CUX2: variants seen among roughly 807,000 people sequenced by gnomAD.
CUX2 encodes the protein homeobox protein cut-like 2.
A neutral mutation model predicts 144.8 loss-of-function variants in CUX2; 40 were observed. The ratio of observed to expected loss-of-function variants is 0.28; its 90% CI spans 0.21 to 0.36. The LOEUF (loss-of-function observed/expected upper bound fraction) is 0.36, where lower values mean the gene tolerates loss of function less well. Among genes scored for constraint, CUX2 ranks in the 10% least tolerant of loss-of-function variants. The pLI, the probability that CUX2 is intolerant of heterozygous loss-of-function variation, is 1.00. For missense variants in CUX2, 1,615 were observed against 1,994.0 expected, an observed-to-expected ratio of 0.81 and a Z score of 3.62; for synonymous variants, 827 against 875.6, an observed-to-expected ratio of 0.94 and a Z score of 0.98.
At chr12:111,080,102 A>C in intron 1 of CUX2, among the ~76,000 whole-genome samples, 1 of 152,088 alleles carries the variant, frequency 6.6e-6, no homozygotes, top group East Asian at 1.9e-4. Context: ...TCTTGAACGG[A>C]CTGAGCACTT....
At chr12:111,303,402 G>A (rs1221898566) in intron 9 of CUX2, among the ~76,000 whole-genome samples, 2 of 151,814 alleles carry the variant, frequency 1.3e-5, no homozygotes, top group Admixed American at 6.6e-5. Context: ...TTGGGAGGCT[G>A]AAGCGGGTGG....
In CUX2 at chr12:111,100,181, C is replaced by CTGTGTGTGTGTGTGTGTG. The variant is rs71881537; in HGVS notation, c.63+65945_63+65962dup. ...GGGATGTGAGAGCAGGAGCCTGTGA[C>CTGTGTGTGTGTGTGTGTG]TGTGTGTGTGTGTGTGTGTGTATGT... On this transcript the variant is annotated intron_variant, in intron 1 of 21. Transcript: ENST00000261726. The CTGTGTGTGTGTGTGTGTG allele has an allele frequency of 1.5e-5, 6 of 388,204 alleles. No individual in the cohort carries two copies. In the Admixed American group the frequency reaches 1.8e-4, roughly 12 times the overall value. 24.0% of individuals were successfully genotyped at this position (388,204 alleles called of 1,614,324 possible).
At chr12:111,199,215 G>A (rs1253937985) in intron 1 of CUX2, among the ~76,000 whole-genome samples, 1 of 152,128 alleles carries the variant, frequency 6.6e-6, no homozygotes, top group African/African-American at 2.4e-5. Context: ...TATTCTAGTG[G>A]TACAAGTGAG....
intron 1 of CUX2, among the ~76,000 whole-genome samples, chr12:111,193,820 C>T (rs755306902): frequency 3.8e-4 from 58 of 152,282 alleles, no homozygotes; most frequent in Non-Finnish European, 6.9e-4. Flanking sequence ...AAAGGGCATG[C>T]GCAGACAGGT....
intron 3 of CUX2, among the ~76,000 whole-genome samples, chr12:111,262,991 T>C (rs776636292): frequency 1.3e-5 from 2 of 152,068 alleles, no homozygotes; most frequent in South Asian, 2.1e-4. Context: ...CAACAGGAGG[T>C]AGGTCCTGTT....
intron 18 of CUX2, among the ~76,000 whole-genome samples, chr12:111,331,524 T>C (rs541650212): frequency 6.6e-6 from 1 of 152,084 alleles, no homozygotes; most frequent in East Asian, 1.9e-4. Flanking sequence ...GAGGCTCAGC[T>C]CACACTGGGA....
chr12:111,282,927 C>T (rs1296293473), intron 4 of CUX2, among the ~76,000 whole-genome samples: 1 of 151,842 alleles, frequency 6.6e-6, no homozygotes, highest in Non-Finnish European at 1.5e-5. Context: ...TAGAGGATAC[C>T]ATAGGTCGGG....
intron 1 of CUX2, among the ~76,000 whole-genome samples, chr12:111,079,975 C>T (rs551355310): frequency 6.6e-6 from 1 of 152,362 alleles, no homozygotes; most frequent in South Asian, 2.1e-4. Flanking sequence ...GTCCTGGGTT[C>T]TAGTCCTGTC....
intron 1 of CUX2, among the ~76,000 whole-genome samples, chr12:111,040,438 C>T (rs1478174565): frequency 2.0e-5 from 3 of 152,050 alleles, no homozygotes; most frequent in Non-Finnish European, 4.4e-5. Flanking sequence ...TCTCTTTGTC[C>T]CACAAACACA....
chr12:111,190,212 C>T lies in CUX2; in HGVS notation c.64-23988C>T, dbSNP rs986478158. On this transcript the variant is annotated intron_variant, in intron 1 of 21. Transcript: ENST00000261726. The surrounding 1 kb of genome is among the most constrained non-coding windows in gnomAD (Gnocchi z 4.0). The stretch of plus-strand genomic sequence containing the variant: ...GAATTTTTAGGAGTGCTTGATTCTG[C>T]ACACATCAGATAAACTGTACATTCC... Among the ~76,000 whole-genome samples, 15 of 152,278 alleles carry T rather than the reference C, an allele frequency of 9.9e-5. No homozygotes were observed. Among genetic ancestry groups the T allele is most frequent in the African/African-American group, 2.9e-4 (12 of 41,554 alleles).
At position 111,296,535 on chromosome 12, in the gene CUX2, T is replaced by G. The variant is rs1886003649; in HGVS notation, c.700T>G (p.Ser234Ala). 2 of 1,610,758 alleles carry G rather than the reference T, an allele frequency of 1.2e-6. No homozygotes were observed. The highest frequency in any genetic ancestry group is 1.3e-5 in the African/African-American group (1 of 74,818). ...GCGGAAGTACGACGAGGAGGCAGCATCCAAGTAAGTGAGCCCTGCTGAGGT... is the reference window on the plus strand; with the variant it reads ...GCGGAAGTACGACGAGGAGGCAGCAGCCAAGTAAGTGAGCCCTGCTGAGGT... ...LRRKYDEEAA[S>A]KADEVGLIMT... Residue 234 changes from serine to alanine, a missense_variant, in exon 8 of 22, where the codon TCC (serine) becomes GCC (alanine). By Grantham distance (99) the Ser-to-Ala change is moderately conservative. Transcript: ENST00000261726.
At chr12:111,290,954 C>T (rs1375105081) in intron 4 of CUX2, among the ~76,000 whole-genome samples, 2 of 152,006 alleles carry the variant, frequency 1.3e-5, no homozygotes, top group East Asian at 3.9e-4. Context: ...TCTCCACCTC[C>T]TGGGTTCAAG....
chr12:111,311,437 C>G (rs557467191), intron 15 of CUX2, among the ~76,000 whole-genome samples: 1 of 151,476 alleles, frequency 6.6e-6, no homozygotes, highest in Non-Finnish European at 1.5e-5. Flanking sequence ...ACAGTCACAA[C>G]GCCACCATGC....
At chr12:111,096,823 C>G (rs547395873) in intron 1 of CUX2, among the ~76,000 whole-genome samples, 1 of 152,174 alleles carries the variant, frequency 6.6e-6, no homozygotes, top group African/African-American at 2.4e-5. Context: ...ACTAAAAATA[C>G]AAAAATTAGC....
At chr12:111,248,696 C>T (rs1883405359) in intron 3 of CUX2, among the ~76,000 whole-genome samples, 2 of 152,124 alleles carry the variant, frequency 1.3e-5, no homozygotes, top group South Asian at 2.1e-4. Flanking sequence ...GACGGGCTCA[C>T]ACCCATACGG....
chr12:111,072,630 G>A (rs987784590), intron 1 of CUX2, among the ~76,000 whole-genome samples: 5 of 152,254 alleles, frequency 3.3e-5, no homozygotes, highest in Non-Finnish European at 7.3e-5. Context: ...GGCAACTGGG[G>A]AGACCTGGCC....
At chr12:111,181,602 C>T (rs1044139418) in intron 1 of CUX2, among the ~76,000 whole-genome samples, 13 of 152,298 alleles carry the variant, frequency 8.5e-5, no homozygotes, top group Non-Finnish European at 1.0e-4. Context: ...CAGCACTGCC[C>T]GAGCCGGCGA....
rs1201192428 is a variant in CUX2 at position 111,312,476 on chromosome 12, T to G, written c.2002+275T>G. ...AGCACTTTGGGAAGCCAAGGCAGGC[T>G]GATCACCTGAGATCAGGAGTTCGAG... On this transcript the variant is annotated intron_variant, in intron 16 of 21. Transcript: ENST00000261726. This position sits in a 1 kb window ranked among gnomAD's most constrained non-coding sequence, Gnocchi z 4.3. 1.3e-5 allele frequency among the ~76,000 whole-genome samples: 2 copies of G among 151,664 alleles called. No homozygotes were observed. The highest frequency in any genetic ancestry group is 2.9e-5 in the Non-Finnish European group (2 of 68,004).
At chr12:111,088,267 G>T (rs1443994146) in intron 1 of CUX2, among the ~76,000 whole-genome samples, 3 of 152,012 alleles carry the variant, frequency 2.0e-5, no homozygotes, top group African/African-American at 7.2e-5. Flanking sequence ...GACCCTTGGG[G>T]GAAATTGGGT....
Sources: allele counts gnomAD v4.1 joint callset (sites outside exome capture counted in the v4.1 genomes callset), GRCh38; gene constraint gnomAD v4.1.1; non-coding constraint Gnocchi (gnomAD v3.1); transcripts MANE v1.5; gene names NCBI Gene and HGNC (gene_info 2026-07-23, HGNC 2026-07-21).